The following PLEKHM3 variants were observed in gnomAD, a reference collection of about 807,000 sequenced individuals.
The protein encoded by PLEKHM3 is pleckstrin homology domain-containing family M member 3.
A neutral mutation model predicts 81.8 loss-of-function variants in PLEKHM3; 45 were observed. The observed-to-expected ratio is 0.55, with a 90% CI of 0.43 to 0.71. The LOEUF (loss-of-function observed/expected upper bound fraction) is 0.71, where lower values mean the gene tolerates loss of function less well. Among genes scored for constraint, PLEKHM3 ranks in the 30% least tolerant of loss-of-function variants. The pLI is 0.00. For missense variants in PLEKHM3, 788 were observed against 924.3 expected, an observed-to-expected ratio of 0.85 and a Z score of 1.91; for synonymous variants, 352 against 356.4, an observed-to-expected ratio of 0.99 and a Z score of 0.14.
intron 2 of PLEKHM3, among the ~76,000 whole-genome samples, chr2:207,978,314 A>T (rs776386625): frequency 2.0e-5 from 3 of 150,756 alleles, no homozygotes; most frequent in Non-Finnish European, 4.4e-5. Context: ...ACAGTCTATT[A>T]GGGTGGTGCA....
In PLEKHM3 at chr2:207,923,855, GCACACACACACACA is replaced by G. The variant is rs1157865708; in HGVS notation, c.1886+7057_1886+7070del. On this transcript the variant is annotated intron_variant, in intron 5 of 7. Transcript: ENST00000427836. ...TACATATACATACATACACACGCAC[GCACACACACACACA>G]CACACACACACATATATATATATAT... 1.6e-4 allele frequency among the ~76,000 whole-genome samples: 3 copies of G among 18,896 alleles called. No individual in the cohort carries two copies. In the Admixed American group the frequency reaches 3.2e-3, roughly 20 times the overall value. The allele number at this position is 18,896 out of a possible 152,430, so 12.4% of individuals were successfully genotyped here.
At chr2:207,990,569 T>C (rs1664547738) in intron 2 of PLEKHM3, among the ~76,000 whole-genome samples, 1 of 152,234 alleles carries the variant, frequency 6.6e-6, no homozygotes, top group Non-Finnish European at 1.5e-5. Context: ...TTTTAGGTCT[T>C]TGTTCTCCTC....
At chr2:207,866,264 T>C (rs1238429159) in intron 6 of PLEKHM3, among the ~76,000 whole-genome samples, 3 of 152,132 alleles carry the variant, frequency 2.0e-5, no homozygotes, top group Non-Finnish European at 4.4e-5. Context: ...CAAGCGATTC[T>C]CCTGCCTCAG....
chr2:207,897,183 T>C (rs1343988246), intron 6 of PLEKHM3, among the ~76,000 whole-genome samples: 1 of 152,114 alleles, frequency 6.6e-6, no homozygotes, highest in Non-Finnish European at 1.5e-5. Context: ...CTCCATATGG[T>C]GACTATATAG....
At chr2:207,917,534 A>T (rs1023324488) in intron 5 of PLEKHM3, among the ~76,000 whole-genome samples, 2 of 152,076 alleles carry the variant, frequency 1.3e-5, no homozygotes, top group African/African-American at 2.4e-5. Flanking sequence ...GTCTGTGTAG[A>T]TTGTGCTTTA....
In PLEKHM3 at chr2:207,865,802, AGATATATATAT is replaced by A. The variant is rs1363829284; in HGVS notation, c.1951-4551_1951-4541del. Among the ~76,000 whole-genome samples the A allele has an allele frequency of 7.3e-4, 30 of 40,946 alleles. 1 individual carries two copies. Among genetic ancestry groups the A allele is most frequent in the East Asian group, 3.5e-3 (5 of 1,426 alleles). The allele number at this position is 40,946 out of a possible 152,430, so 26.9% of individuals were successfully genotyped here. A position where few individuals can be genotyped will look rare whatever the true frequency, so the allele number is the denominator to read the frequency against. On this transcript the variant is annotated intron_variant, in intron 6 of 7. Coordinates refer to ENST00000427836, the MANE Select transcript of PLEKHM3 (RefSeq NM_001080475.3). ...GACTCAAAAAAAAAAAAAAAAAAAA[AGATATATATAT>A]ATATATATATATATATATATATATA...
intron 1 of PLEKHM3, among the ~76,000 whole-genome samples, chr2:208,011,081 A>C (rs1433020745): frequency 1.3e-5 from 2 of 151,748 alleles, no homozygotes; most frequent in Non-Finnish European, 2.9e-5. Flanking sequence ...AAAAAAAAAA[A>C]AACAAAATAG....
intron 3 of PLEKHM3, among the ~76,000 whole-genome samples, chr2:207,961,216 C>A (rs1239844356): frequency 6.6e-6 from 1 of 152,138 alleles, no homozygotes; most frequent in Non-Finnish European, 1.5e-5. Flanking sequence ...TGGTCTGGGG[C>A]TCAAGAAAAA....
intron 3 of PLEKHM3, among the ~76,000 whole-genome samples, chr2:207,954,215 G>T (rs1045270010): frequency 6.6e-6 from 1 of 152,086 alleles, no homozygotes; most frequent in Non-Finnish European, 1.5e-5. Flanking sequence ...AATTAGCCAG[G>T]TGTGGTGGTC....
intron 7 of PLEKHM3, among the ~76,000 whole-genome samples, chr2:207,844,036 T>C (rs370914020): frequency 4.6e-5 from 7 of 151,968 alleles, no homozygotes; most frequent in East Asian, 1.9e-4. Flanking sequence ...TGAGCCCTGA[T>C]AGTGCCACTG....
chr2:207,963,411 A>T (rs1690804973), intron 3 of PLEKHM3, among the ~76,000 whole-genome samples: 1 of 152,244 alleles, frequency 6.6e-6, no homozygotes, highest in Non-Finnish European at 1.5e-5. Context: ...AAGTGGGAAG[A>T]CACTGAAGAA....
intron 2 of PLEKHM3, among the ~76,000 whole-genome samples, chr2:207,989,056 C>G (rs1185692746): frequency 6.6e-6 from 1 of 152,196 alleles, no homozygotes; most frequent in African/African-American, 2.4e-5. Flanking sequence ...CATCACACCT[C>G]TTGCTTTATT....
At chr2:207,911,869 T>G (rs1260150432) in intron 5 of PLEKHM3, among the ~76,000 whole-genome samples, 1 of 152,162 alleles carries the variant, frequency 6.6e-6, no homozygotes, top group African/African-American at 2.4e-5. Flanking sequence ...CAGGGACAAA[T>G]GCAGGAGAGC....
At chr2:207,973,074 A>G (rs893048233) in intron 3 of PLEKHM3, among the ~76,000 whole-genome samples, 2 of 152,262 alleles carry the variant, frequency 1.3e-5, no homozygotes, top group Non-Finnish European at 2.9e-5. Context: ...AATACAGTGA[A>G]TTAGCCTCTC....
At chr2:207,944,152 A>G (rs1304815931) in intron 4 of PLEKHM3, among the ~76,000 whole-genome samples, 1 of 152,206 alleles carries the variant, frequency 6.6e-6, no homozygotes, top group Non-Finnish European at 1.5e-5. Flanking sequence ...TTAAAGGTTT[A>G]GGCAGAGGAC....
chr2:207,865,549 G>A (rs1045868246), intron 6 of PLEKHM3, among the ~76,000 whole-genome samples: 1 of 151,294 alleles, frequency 6.6e-6, no homozygotes, highest in African/African-American at 2.4e-5. Context: ...AGGTCGAAGC[G>A]GGCAGATCAC....
chr2:207,880,564 C>A (rs1212843868), intron 6 of PLEKHM3, among the ~76,000 whole-genome samples: 1 of 149,554 alleles, frequency 6.7e-6, no homozygotes, highest in Non-Finnish European at 1.5e-5. Context: ...GAGATCGAGA[C>A]CATCTTGGCT....
chr2:207,924,294 TCTC>T (rs1689312342), intron 5 of PLEKHM3, among the ~76,000 whole-genome samples: 1 of 152,058 alleles, frequency 6.6e-6, no homozygotes, highest in African/African-American at 2.4e-5. Flanking sequence ...TAGTGAGTGA[TCTC>T]CTCAAGGAAG....
At position 207,828,169 on chromosome 2, in the gene PLEKHM3, T is replaced by C. The variant is rs1294273407; in HGVS notation, c.*150A>G. On this transcript the variant is annotated 3_prime_UTR_variant, in exon 8 of 8. Transcript: ENST00000427836. ...CATACGTACAGGACGTATAGGTATT[T>C]GCGTATATATAAATAAATATATATA... 3 of 574,334 alleles carry C rather than the reference T, an allele frequency of 5.2e-6. No individual in the cohort carries two copies. The African/African-American group carries it at 5.7e-5, about 11-fold the overall frequency. The allele number at this position is 574,334 out of a possible 1,614,324, so 35.6% of individuals were successfully genotyped here. A position where few individuals can be genotyped will look rare whatever the true frequency, so the allele number is the denominator to read the frequency against.
Sources: allele counts gnomAD v4.1 joint callset (sites outside exome capture counted in the v4.1 genomes callset), GRCh38; gene constraint gnomAD v4.1.1; transcripts MANE v1.5; gene names NCBI Gene and HGNC (gene_info 2026-07-23, HGNC 2026-07-21).